Variants in ATP6V0D1 observed in about 807,000 individuals in gnomAD.
ATP6V0D1 encodes V-type proton ATPase subunit d 1.
In ATP6V0D1, 13 loss-of-function variants were observed where a neutral mutation model predicts 39.0. That is an observed-to-expected ratio of 0.33 (90% CI 0.22 to 0.53). ATP6V0D1 has a LOEUF of 0.53. ATP6V0D1 is among the 20% of genes least tolerant of loss of function. The pLI, the probability that ATP6V0D1 is intolerant of heterozygous loss-of-function variation, is 0.94. For synonymous variants in ATP6V0D1, 191 were observed against 191.2 expected, an observed-to-expected ratio of 1.00 and a Z score of 0.01; for missense variants, 272 against 470.9, an observed-to-expected ratio of 0.58 and a Z score of 3.91.
chr16:67,478,587 C>A (rs1264564150), intron 1 of ATP6V0D1, among the ~76,000 whole-genome samples: 18 of 145,484 alleles, frequency 1.2e-4, no homozygotes, highest in Non-Finnish European at 2.4e-4. Context: ...GCACTCCAGC[C>A]TGGGTGACAG....
chr16:67,458,142 T>C (rs987919997), intron 1 of ATP6V0D1, among the ~76,000 whole-genome samples: 12 of 152,104 alleles, frequency 7.9e-5, no homozygotes, highest in African/African-American at 2.9e-4. Context: ...CTGGCCCTGT[T>C]GGAGAAACCT....
intron 1 of ATP6V0D1, among the ~76,000 whole-genome samples, chr16:67,461,582 G>C (rs948983483): frequency 6.6e-6 from 1 of 152,192 alleles, no homozygotes; most frequent in Non-Finnish European, 1.5e-5. Context: ...CTGCTGGCAC[G>C]GTCACATGCA....
At chr16:67,462,383 G>T (rs2041295497) in intron 1 of ATP6V0D1, among the ~76,000 whole-genome samples, 1 of 152,246 alleles carries the variant, frequency 6.6e-6, no homozygotes, top group African/African-American at 2.4e-5. Flanking sequence ...CGGCAGGTTG[G>T]GGTGGATCTG....
Position 67,444,660 on chromosome 16 carries a change from G to A in ATP6V0D1, c.349C>T (p.Leu117=), listed in dbSNP as rs1374017063. The change falls in exon 3 of 8, where the codon CTG becomes TTG. Residue 117 remains leucine, a synonymous_variant. Transcript: ENST00000290949. This position sits in a 1 kb window ranked among gnomAD's most constrained non-coding sequence, Gnocchi z 4.8. ...DNVILLITGT[L]HQRSIAELVP... ...AGCTCAGCGATGGAGCGCTGGTGCA[G>A]CGTGCCTGTGATGAGCAGGATCACG... 1 of 1,611,748 alleles carries A rather than the reference G, an allele frequency of 6.2e-7. No homozygotes were observed. Among genetic ancestry groups the A allele is most frequent in the Non-Finnish European group, 8.5e-7 (1 of 1,178,498 alleles).
chr16:67,457,374 C>A, intron 1 of ATP6V0D1: 1 of 340,928 alleles, frequency 2.9e-6, no homozygotes. Context: ...CTCCTCTCCT[C>A]CCCACTCTGC....
At chr16:67,479,197 A>G (rs1356895208) in intron 1 of ATP6V0D1, among the ~76,000 whole-genome samples, 5 of 150,740 alleles carry the variant, frequency 3.3e-5, no homozygotes, top group Middle Eastern at 3.4e-3. Flanking sequence ...TAACACCTAC[A>G]ATTATTGTAC....
chr16:67,470,611 C>T (rs2041365115), intron 1 of ATP6V0D1, among the ~76,000 whole-genome samples: 1 of 152,182 alleles, frequency 6.6e-6, no homozygotes, highest in South Asian at 2.1e-4. Flanking sequence ...CTGGCGCGGG[C>T]CTAACTGCCA....
chr16:67,478,178 G>A (rs1479573011), intron 1 of ATP6V0D1, among the ~76,000 whole-genome samples: 1 of 152,188 alleles, frequency 6.6e-6, no homozygotes, highest in Non-Finnish European at 1.5e-5. Context: ...AAGGCCCGGA[G>A]GTGTTAAATA....
intron 1 of ATP6V0D1, chr16:67,457,673 G>T: frequency 1.6e-6 from 2 of 1,286,270 alleles, no homozygotes; most frequent in Non-Finnish European, 2.0e-6. Context: ...AGGAATGTGT[G>T]CACGTGAATG....
chr16:67,453,777 C>T lies in ATP6V0D1; in HGVS notation c.131-62G>A. 5.9e-6 allele frequency: 9 copies of T among 1,536,782 alleles called. No individual in the cohort carries two copies. The highest frequency in any genetic ancestry group is 1.2e-5 in the South Asian group (1 of 86,774). On this transcript the variant is annotated intron_variant, in intron 1 of 7. Transcript: ENST00000290949. The surrounding 1 kb of genome is among the most constrained non-coding windows in gnomAD (Gnocchi z 4.1). ...CTGGGCCTCCCCAAGGGTCCCAAGT[C>T]CCCATCCCCACCCCAACTCAGCCCC...
In ATP6V0D1 at chr16:67,443,147, C is replaced by G; in HGVS notation, c.513G>C (p.Gln171His). 6.2e-7 allele frequency: 1 copy of G among 1,614,004 alleles called. No homozygotes were observed. The highest frequency in any genetic ancestry group is 8.5e-7 in the Non-Finnish European group (1 of 1,180,000). Residue 171 changes from glutamine to histidine, a missense_variant, in exon 4 of 8, where the codon CAG (glutamine) becomes CAC (histidine). Physicochemically the swap from Gln to His is conservative, Grantham distance 24. Coordinates refer to ENST00000290949, the MANE Select transcript of ATP6V0D1 (RefSeq NM_004691.5). ...AAFFQDCISE[Q>H]DLDEMNIEII... ...TCTCGATGTTCATCTCGTCAAGGTCCTGCTCTGAAATGCAGTCCTGGAAAA... is the reference window on the plus strand; with the variant it reads ...TCTCGATGTTCATCTCGTCAAGGTCGTGCTCTGAAATGCAGTCCTGGAAAA...
intron 1 of ATP6V0D1, among the ~76,000 whole-genome samples, chr16:67,479,653 C>T (rs1274422583): frequency 6.6e-6 from 1 of 152,182 alleles, no homozygotes. Context: ...CATTTGAGCT[C>T]ACTTTTAACC....
chr16:67,461,436 G>T (rs371959654), intron 1 of ATP6V0D1, among the ~76,000 whole-genome samples: 1 of 152,326 alleles, frequency 6.6e-6, no homozygotes, highest in Admixed American at 6.5e-5. Flanking sequence ...ACAGAACTCT[G>T]CACCACCCAC....
At chr16:67,442,829 C>T (rs569282512) in intron 4 of ATP6V0D1, among the ~76,000 whole-genome samples, 1 of 152,278 alleles carries the variant, frequency 6.6e-6, no homozygotes, top group South Asian at 2.1e-4. Context: ...GAGCGGCTGT[C>T]CAGGAGCCAG....
intron 4 of ATP6V0D1, 199 bp from the exon 5 acceptor site, chr16:67,439,550 C>T (rs2041022814): frequency 4.9e-6 from 3 of 607,230 alleles, no homozygotes; most frequent in Admixed American, 5.4e-5. Flanking sequence ...CAGCTGCCCA[C>T]AGCCTCCCAC....
At chr16:67,450,071 C>T (rs1206288034) in intron 2 of ATP6V0D1, among the ~76,000 whole-genome samples, 1 of 152,206 alleles carries the variant, frequency 6.6e-6, no homozygotes, top group Non-Finnish European at 1.5e-5. Flanking sequence ...TGTGGGCAGT[C>T]AGGGCACTGT....
At chr16:67,457,484 A>AGAGG (rs2041249236) in intron 1 of ATP6V0D1, 1 of 943,178 alleles carries the variant, frequency 1.1e-6, no homozygotes, top group Non-Finnish European at 1.5e-6. Flanking sequence ...ATGAGCTGGC[A>AGAGG]GGTGGTGGCA....
rs1252003909 is a variant in ATP6V0D1, at chr16:67,481,114, G to A, written c.-28C>T. The A allele has an allele frequency of 5.6e-6, 9 of 1,613,046 alleles. No homozygotes were observed. The highest frequency in any genetic ancestry group is 1.6e-4 in the Middle Eastern group (1 of 6,080). The stretch of plus-strand genomic sequence containing the variant: ...CTGCTGCGGGAGCGGCGGGACCGGA[G>A]AACCAGGACCGGCCGGCACGAATCG... On this transcript the variant is annotated 5_prime_UTR_variant, in exon 1 of 8. Transcript: ENST00000290949.
intron 1 of ATP6V0D1, among the ~76,000 whole-genome samples, chr16:67,464,459 G>A (rs2041313619): frequency 6.6e-6 from 1 of 152,174 alleles, no homozygotes; most frequent in African/African-American, 2.4e-5. Context: ...GTACCTCCAG[G>A]AGCCTGTCCA....
Sources: gnomAD v4.1 joint callset for allele counts (sites outside exome capture counted in the v4.1 genomes callset) on GRCh38, gnomAD v4.1.1 for gene constraint, Gnocchi (gnomAD v3.1) non-coding constraint, MANE v1.5 for transcripts, NCBI Gene and HGNC (gene_info 2026-07-23, HGNC 2026-07-21) for gene names.